Variants in PKD1L1 observed in about 807,000 individuals in gnomAD.
PKD1L1 encodes the protein polycystin 1 like 1, transient receptor potential channel interacting.
Under a neutral mutation model 323.4 loss-of-function variants are expected in PKD1L1, and 236 were observed. The observed-to-expected ratio is 0.73, with a 90% CI of 0.66 to 0.81. The LOEUF (loss-of-function observed/expected upper bound fraction) is 0.81, where lower values mean the gene tolerates loss of function less well. Among genes scored for constraint, PKD1L1 ranks in the 40% least tolerant of loss-of-function variants. The probability of loss-of-function intolerance (pLI) is 0.00; values close to 1 mark genes in which losing one functional copy is unlikely to be tolerated. For missense variants in PKD1L1, 3,320 were observed against 3,508.0 expected (o/e 0.95, Z 1.35); for synonymous variants, 1,344 against 1,335.0 (o/e 1.01, Z -0.15).
At chr7:47,940,458 T>C in intron 2 of PKD1L1, 141 bp from the exon 3 acceptor site, 1 of 746,348 alleles carries the variant, frequency 1.3e-6, no homozygotes, top group Non-Finnish European at 2.1e-6. Flanking sequence ...AAGATGCGTG[T>C]CCTTGGGCTG....
chr7:47,959,837 C>T, the PKD1L1 span, among the ~76,000 whole-genome samples: 1 of 151,210 alleles, frequency 6.6e-6, no homozygotes, highest in Non-Finnish European at 1.5e-5. Flanking sequence ...TGAGGAGCCC[C>T]TCTGCCCAGC....
At chr7:47,865,600 T>TATTTTATTTTA (rs74763880) in intron 25 of PKD1L1, among the ~76,000 whole-genome samples, 15 of 150,746 alleles carry the variant, frequency 1.0e-4, no homozygotes, top group Admixed American at 1.3e-4. Context: ...TATTTTATTT[T>TATTTTATTTTA]TTTGAGACGG....
the PKD1L1 span, among the ~76,000 whole-genome samples, chr7:47,954,049 G>C: frequency 6.6e-6 from 1 of 152,180 alleles, no homozygotes; most frequent in Non-Finnish European, 1.5e-5. Flanking sequence ...TATATATGTA[G>C]CCTCCTTTAA....
chr7:47,813,789 C>T (rs562741954), intron 48 of PKD1L1, 142 bp downstream of exon 48: 276 of 724,552 alleles, frequency 3.8e-4, no homozygotes, highest in Admixed American at 6.0e-4. Context: ...CTCGCCCTCT[C>T]CCCAGCCCCG....
At chr7:47,960,195 A>G in the PKD1L1 span, among the ~76,000 whole-genome samples, 5 of 148,690 alleles carry the variant, frequency 3.4e-5, no homozygotes, top group African/African-American at 1.2e-4. Flanking sequence ...AGTCATCACC[A>G]CTCCCTAATC....
chr7:47,828,166 G>A (rs376646638), intron 44 of PKD1L1, among the ~76,000 whole-genome samples: 32 of 152,218 alleles, frequency 2.1e-4, no homozygotes, highest in Admixed American at 7.2e-4. Flanking sequence ...CACGTGTGGC[G>A]GAGAGATCCG....
At position 47,774,978 on chromosome 7, in the gene PKD1L1, T is replaced by C. The variant is rs937802739; in HGVS notation, c.*165A>G. On this transcript the variant is annotated 3_prime_UTR_variant, in exon 57 of 57. Transcript: ENST00000289672. ...TCTGATGACAGATAAACCTTGATTT[T>C]CATCCTGGTTTCCCATTTACTTGTT... 8.4e-6 allele frequency: 6 copies of C among 716,236 alleles called. No individual in the cohort carries two copies. The African/African-American group carries it at 1.1e-4, about 13-fold the overall frequency. 44.4% of individuals were successfully genotyped at this position (716,236 alleles called of 1,614,324 possible).
intron 7 of PKD1L1, among the ~76,000 whole-genome samples, chr7:47,923,887 A>G (rs991924309): frequency 1.3e-5 from 2 of 152,188 alleles, no homozygotes; most frequent in African/African-American, 4.8e-5. Context: ...GAAGCAAAGA[A>G]AAAAGTTATA....
At chr7:47,922,060 G>A (rs905734034) in intron 7 of PKD1L1, among the ~76,000 whole-genome samples, 1 of 152,200 alleles carries the variant, frequency 6.6e-6, no homozygotes, top group African/African-American at 2.4e-5. Context: ...TTGCAGGCAC[G>A]TGCTGCCACG....
At chr7:47,913,975 T>C (rs900083369) in intron 8 of PKD1L1, among the ~76,000 whole-genome samples, 13 of 151,944 alleles carry the variant, frequency 8.6e-5, no homozygotes, top group Middle Eastern at 3.2e-3. Flanking sequence ...CATGAAGATT[T>C]AACAAAGCAA....
chr7:47,870,897 TA>T (rs1786266940), intron 24 of PKD1L1, among the ~76,000 whole-genome samples: 1 of 143,886 alleles, frequency 6.9e-6, no homozygotes, highest in Non-Finnish European at 1.5e-5. Context: ...GGCTTGAGCC[TA>T]GGAGGTCAAG....
intron 24 of PKD1L1, among the ~76,000 whole-genome samples, chr7:47,868,911 A>G (rs932660777): frequency 6.6e-6 from 1 of 152,208 alleles, no homozygotes; most frequent in Non-Finnish European, 1.5e-5. Context: ...TTATAAAACA[A>G]TAATTACAAC....
chr7:47,864,964 G>C (rs909471009), intron 26 of PKD1L1, among the ~76,000 whole-genome samples: 1 of 151,970 alleles, frequency 6.6e-6, no homozygotes, highest in Non-Finnish European at 1.5e-5. Flanking sequence ...CTGACTTCGG[G>C]ATCCGCCCGC....
intron 21 of PKD1L1, among the ~76,000 whole-genome samples, chr7:47,879,280 T>C (rs1223104107): frequency 6.6e-6 from 1 of 152,212 alleles, no homozygotes; most frequent in African/African-American, 2.4e-5. Context: ...TGCAAATTCC[T>C]GATAGGTTTT....
chr7:47,931,256 C>T lies in PKD1L1; in HGVS notation c.585G>A (p.Leu195=). The change falls in exon 6 of 57, where the codon CTG becomes CTA. Residue 195 remains leucine (L), a synonymous_variant. Transcript: ENST00000289672. ...CATCCTCCGCACAGCACAGCAGTCT[C>T]AGGACACAGCAGGAAGCCTCCATCT... ...SLKMEASCCV[L]RLLCCAEDVA... The T allele has an allele frequency of 6.2e-7, 1 of 1,614,252 alleles. No homozygotes were observed. The highest frequency in any genetic ancestry group is 1.1e-5 in the South Asian group (1 of 91,090).
Position 47,866,396 on chromosome 7 carries a change from ACTCACC to A in PKD1L1, c.4092+17_4092+22del. 6.2e-7 allele frequency: 1 copy of A among 1,605,782 alleles called. No individual in the cohort carries two copies. Among genetic ancestry groups the A allele is most frequent in the Non-Finnish European group, 8.5e-7 (1 of 1,176,928 alleles). On this transcript the variant is annotated intron_variant, in intron 25 of 56. Transcript: ENST00000289672. ...CTTGATAAAGGTTTACAGACACTAA[ACTCACC>A]CTCCTCTGAGCCATACCTGATCTAC...
At chr7:47,775,906 TAAC>T (rs1486334621) in intron 56 of PKD1L1, among the ~76,000 whole-genome samples, 1 of 150,018 alleles carries the variant, frequency 6.7e-6, no homozygotes, top group Non-Finnish European at 1.5e-5. Context: ...GCCAGGATGA[TAAC>T]AACATATCAA....
chr7:47,852,643 A>G (rs1785807384), intron 31 of PKD1L1, among the ~76,000 whole-genome samples: 1 of 152,128 alleles, frequency 6.6e-6, no homozygotes, highest in South Asian at 2.1e-4. Flanking sequence ...CCAGGGGCAG[A>G]CCACGGAGAA....
chr7:47,944,979 G>C (rs1440742806), intron 1 of PKD1L1, among the ~76,000 whole-genome samples: 4 of 152,190 alleles, frequency 2.6e-5, no homozygotes, highest in Admixed American at 6.5e-5. Flanking sequence ...AGGGCAATGG[G>C]AACCGTTGCC....
Sources: gnomAD v4.1 joint callset for allele counts (sites outside exome capture counted in the v4.1 genomes callset) on GRCh38, gnomAD v4.1.1 for gene constraint, MANE v1.5 for transcripts, NCBI Gene and HGNC (gene_info 2026-07-23, HGNC 2026-07-21) for gene names.